Variants in MKX observed in about 807,000 individuals in gnomAD.
MKX encodes homeobox protein Mohawk.
MKX carries 13 observed loss-of-function variants against 36.0 expected under a neutral mutation model. The observed-to-expected ratio is 0.36, with a 90% CI of 0.24 to 0.57. The LOEUF (loss-of-function observed/expected upper bound fraction) is 0.57. Ranked by LOEUF, MKX falls within the 20% of genes least tolerant of loss-of-function variation. MKX has a pLI of 0.79. For missense variants in MKX, 458 were observed against 456.4 expected, an observed-to-expected ratio of 1.00 and a Z score of -0.03; for synonymous variants, 176 against 178.3, an observed-to-expected ratio of 0.99 and a Z score of 0.10.
rs79100268 is a variant in MKX at position 27,678,436 on chromosome 10, A to G, written c.839-2882T>C. On this transcript the variant is annotated intron_variant, in intron 5 of 6. Transcript: ENST00000419761. The stretch of plus-strand genomic sequence containing the variant: ...AGAATAATTTCCGTGAGGCTTAAAT[A>G]ACGTTAGGGAAATAACAAAACATAA... 3.4e-3 allele frequency among the ~76,000 whole-genome samples: 525 copies of G among 152,356 alleles called. 3 individuals carry two copies. Among genetic ancestry groups the G allele is most frequent in the African/African-American group, 0.011 (443 of 41,582 alleles).
In MKX at chr10:27,673,912, A is replaced by G. The variant is rs1170771884; in HGVS notation, c.*1317T>C. ...TAGATTACATACCCAGAAAAAAAAA[A>G]TCCCATCATAAAAAGTCAAACCCTT... On this transcript the variant is annotated 3_prime_UTR_variant, in exon 7 of 7. Transcript: ENST00000419761. 1 of 151,994 alleles carries G rather than the reference A, an allele frequency of 6.6e-6. No individual in the cohort carries two copies. Among genetic ancestry groups the G allele is most frequent in the Non-Finnish European group, 1.5e-5 (1 of 67,974 alleles). The allele number at this position is 151,994 out of a possible 1,614,324, so 9.4% of individuals were successfully genotyped here.
intron 1 of MKX, among the ~76,000 whole-genome samples, chr10:27,743,980 G>A (rs934046685): frequency 6.6e-6 from 1 of 152,028 alleles, no homozygotes; most frequent in Non-Finnish European, 1.5e-5. Flanking sequence ...TGTGCCAACC[G>A]TATCCACAAG....
chr10:27,736,888 A>C (rs1211149497), intron 3 of MKX, among the ~76,000 whole-genome samples: 1 of 152,162 alleles, frequency 6.6e-6, no homozygotes, highest in African/African-American at 2.4e-5. Context: ...GTGGCATTTC[A>C]GAAGTCAGTC....
chr10:27,686,300 T>C (rs1444998486), intron 5 of MKX, among the ~76,000 whole-genome samples: 1 of 149,848 alleles, frequency 6.7e-6, no homozygotes, highest in Non-Finnish European at 1.5e-5. Context: ...CCTCGGGGTA[T>C]AAACAATGAG....
chr10:27,727,298 T>C (rs558201727), intron 5 of MKX, among the ~76,000 whole-genome samples: 1 of 152,334 alleles, frequency 6.6e-6, no homozygotes, highest in South Asian at 2.1e-4. Flanking sequence ...TCTCACGTGA[T>C]ACCAAATAAC....
chr10:27,743,819 T>C (rs1194766477), intron 1 of MKX, among the ~76,000 whole-genome samples: 1 of 152,036 alleles, frequency 6.6e-6, no homozygotes, highest in African/African-American at 2.4e-5. Context: ...TGGGTTTCAG[T>C]TTGAATCTGG....
At chr10:27,708,992 A>C (rs1249354807) in intron 5 of MKX, among the ~76,000 whole-genome samples, 1 of 152,008 alleles carries the variant, frequency 6.6e-6, no homozygotes, top group Admixed American at 6.6e-5. Flanking sequence ...AGCATGGTGA[A>C]ACCCCGTCTG....
chr10:27,678,604 T>C (rs1836197057), intron 5 of MKX, among the ~76,000 whole-genome samples: 1 of 152,162 alleles, frequency 6.6e-6, no homozygotes. Flanking sequence ...CCTGTGGCTA[T>C]CAAATATGTT....
chr10:27,689,161 T>C (rs1303199357), intron 5 of MKX, among the ~76,000 whole-genome samples: 1 of 152,148 alleles, frequency 6.6e-6, no homozygotes, highest in Non-Finnish European at 1.5e-5. Flanking sequence ...GACTAGGAAA[T>C]CTCCGTGTTA....
At position 27,736,752 on chromosome 10, in the gene MKX, T is replaced by C. The variant is rs190024041; in HGVS notation, c.349-1378A>G. On this transcript the variant is annotated intron_variant, in intron 3 of 6. Coordinates refer to ENST00000419761, the MANE Select transcript of MKX (RefSeq NM_173576.3). ...ATTATACTTTTTCTCCCTGTCCTCA[T>C]GGGTAAACACACGGTGGGTTTCCCA... 3.2e-3 allele frequency among the ~76,000 whole-genome samples: 489 copies of C among 152,266 alleles called. 3 individuals are homozygous for C. Among genetic ancestry groups the C allele is most frequent in the Non-Finnish European group, 5.4e-3 (367 of 67,992 alleles).
chr10:27,696,074 C>T (rs1836548475), intron 5 of MKX, among the ~76,000 whole-genome samples: 1 of 152,070 alleles, frequency 6.6e-6, no homozygotes, highest in Non-Finnish European at 1.5e-5. Context: ...AATTAAACAC[C>T]CTTGTTTACT....
chr10:27,734,381 T>C, intron 5 of MKX, 75 bp downstream of exon 5: 1 of 1,310,212 alleles, frequency 7.6e-7, no homozygotes, highest in Non-Finnish European at 1.1e-6. Flanking sequence ...CCTGTTAAAA[T>C]AAATCCCTCT....
chr10:27,684,343 AAC>A (rs777617950), intron 5 of MKX, among the ~76,000 whole-genome samples: 97 of 151,330 alleles, frequency 6.4e-4, no homozygotes, highest in Non-Finnish European at 1.1e-3. Flanking sequence ...TATATATACA[AAC>A]ACACACACAC....
At chr10:27,734,853 C>T in intron 4 of MKX, 62 bp from the exon 5 acceptor site, 2 of 1,039,052 alleles carry the variant, frequency 1.9e-6, no homozygotes, top group South Asian at 4.3e-5. Flanking sequence ...CCACCCAACT[C>T]TTATATTTAA....
At position 27,675,297 on chromosome 10, in the gene MKX, T is replaced by C. The variant is rs1159669409; in HGVS notation, c.991A>G (p.Ile331Val). 1 of 1,614,212 alleles carries C rather than the reference T, an allele frequency of 6.2e-7. No homozygotes were observed. Among genetic ancestry groups the C allele is most frequent in the East Asian group, 2.2e-5 (1 of 44,888 alleles). The part of the protein sequence containing the change: ...KDKLQGTTSC[I>V]IQKSSHIAEV... ...GCTATATGGGACGACTTCTGGATGATGCAGCTGGTAGTTCCCTGCAGTTTG... is the reference window on the plus strand; with the variant it reads ...GCTATATGGGACGACTTCTGGATGACGCAGCTGGTAGTTCCCTGCAGTTTG... Residue 331 changes from isoleucine to valine, a missense_variant, in exon 7 of 7, where the codon ATC becomes GTC. Coordinates refer to ENST00000419761, the MANE Select transcript of MKX (RefSeq NM_173576.3).
chr10:27,705,444 T>A (rs1290150395), intron 5 of MKX, among the ~76,000 whole-genome samples: 4 of 152,168 alleles, frequency 2.6e-5, no homozygotes, highest in Non-Finnish European at 5.9e-5. Context: ...AGACTCAAAC[T>A]TCTGGGCTCA....
chr10:27,679,459 G>A (rs1159191328), intron 5 of MKX, among the ~76,000 whole-genome samples: 2 of 152,206 alleles, frequency 1.3e-5, no homozygotes, highest in Non-Finnish European at 2.9e-5. Context: ...ATTGATGTTA[G>A]AAGGGCACGC....
chr10:27,691,026 G>C (rs1297737774), intron 5 of MKX, among the ~76,000 whole-genome samples: 1 of 152,122 alleles, frequency 6.6e-6, no homozygotes, highest in Admixed American at 6.5e-5. Flanking sequence ...GAAGGTGCCT[G>C]CTTCTCCTTC....
At chr10:27,675,869 G>A (rs949980112) in intron 5 of MKX, among the ~76,000 whole-genome samples, 1 of 152,194 alleles carries the variant, frequency 6.6e-6, no homozygotes, top group African/African-American at 2.4e-5. Flanking sequence ...AGTGCTGACT[G>A]TACCTGGGGC....
Sources: allele counts gnomAD v4.1 joint callset (sites outside exome capture counted in the v4.1 genomes callset), GRCh38; gene constraint gnomAD v4.1.1; transcripts MANE v1.5; gene names NCBI Gene and HGNC (gene_info 2026-07-23, HGNC 2026-07-21).